RANBP17: variants seen among roughly 807,000 people sequenced by gnomAD.
The protein encoded by RANBP17 is ran-binding protein 17.
A neutral mutation model predicts 141.2 loss-of-function variants in RANBP17; 158 were observed. The ratio of observed to expected loss-of-function variants is 1.12; its 90% CI spans 0.98 to 1.28. The LOEUF (loss-of-function observed/expected upper bound fraction) is 1.28, where lower values mean the gene tolerates loss of function less well. Among genes scored for constraint, RANBP17 ranks in the 50% most tolerant of loss-of-function variants. The pLI is 0.00. For synonymous variants in RANBP17, 430 were observed against 450.0 expected, an observed-to-expected ratio of 0.96 and a Z score of 0.56; for missense variants, 1,438 against 1,290.7, an observed-to-expected ratio of 1.11 and a Z score of -1.75.
rs1013152336 is a variant in RANBP17 at position 171,089,253 on chromosome 5, C to G, written c.1711-80877C>G. Among the ~76,000 whole-genome samples, 134 of 102,478 alleles carry G rather than the reference C, an allele frequency of 1.3e-3. 6 individuals are homozygous for G. The highest frequency in any genetic ancestry group is 2.1e-3 in the Non-Finnish European group (91 of 42,914). The allele number at this position is 102,478 out of a possible 152,430, so 67.2% of individuals were successfully genotyped here. ...TCAGTGTGCCCCTGCTGGGGGGGGC[C>G]TCCCAGTTAGGCTGCTCGGGGGTCA... On this transcript the variant is annotated intron_variant, in intron 14 of 27. Transcript: ENST00000523189.
At chr5:171,102,778 T>C (rs1430713901) in intron 14 of RANBP17, among the ~76,000 whole-genome samples, 3 of 152,150 alleles carry the variant, frequency 2.0e-5, no homozygotes, top group Non-Finnish European at 4.4e-5. Context: ...GGATGGAGTT[T>C]TTGCTTCGTT....
intron 12 of RANBP17, among the ~76,000 whole-genome samples, chr5:170,933,985 C>A (rs920499475): frequency 6.6e-6 from 1 of 151,886 alleles, no homozygotes; most frequent in Non-Finnish European, 1.5e-5. Flanking sequence ...CTTTCTGTCT[C>A]GTTGATCTGT....
At chr5:171,184,138 T>G (rs2127922421) in intron 18 of RANBP17, among the ~76,000 whole-genome samples, 1 of 152,312 alleles carries the variant, frequency 6.6e-6, no homozygotes, top group South Asian at 2.1e-4. Context: ...TGTATAGGTA[T>G]CCAAAGGAAA....
intron 21 of RANBP17, among the ~76,000 whole-genome samples, chr5:171,217,381 T>G (rs1763282952): frequency 1.3e-5 from 2 of 152,170 alleles, no homozygotes; most frequent in Admixed American, 6.5e-5. Context: ...ATTTTTTTGT[T>G]GTGTCTCTGC....
intron 7 of RANBP17, 73 bp downstream of exon 7, chr5:170,911,207 A>G (rs1771501252): frequency 3.0e-6 from 4 of 1,351,440 alleles, no homozygotes; most frequent in African/African-American, 2.9e-5. Flanking sequence ...TTCTGTATGT[A>G]TAGTTATCTT....
At position 170,907,311 on chromosome 5, in the gene RANBP17, G is replaced by A. The variant is rs199858167; in HGVS notation, c.490-2350G>A. On this transcript the variant is annotated intron_variant, in intron 5 of 27. Transcript: ENST00000523189. ...ATAGAAAATGGATGTGCAATCCTTCGTCTCAAAATATTGGATATCTAAATG... is the reference window on the plus strand; with the variant it reads ...ATAGAAAATGGATGTGCAATCCTTCATCTCAAAATATTGGATATCTAAATG... 2.1e-4 allele frequency among the ~76,000 whole-genome samples: 19 copies of A among 91,844 alleles called. 1 individual carries two copies. The East Asian group carries it at 8.0e-3, about 39-fold the overall frequency. The allele number at this position is 91,844 out of a possible 152,430, so 60.3% of individuals were successfully genotyped here.
At chr5:171,211,762 T>A (rs1266209607) in intron 20 of RANBP17, among the ~76,000 whole-genome samples, 1 of 151,982 alleles carries the variant, frequency 6.6e-6, no homozygotes, top group Non-Finnish European at 1.5e-5. Context: ...ACATGGTATG[T>A]CTGTCTAATA....
intron 14 of RANBP17, among the ~76,000 whole-genome samples, chr5:170,970,180 AT>A (rs1217976935): frequency 6.6e-6 from 1 of 151,740 alleles, no homozygotes; most frequent in Admixed American, 6.6e-5. Context: ...TATATATACA[AT>A]TTTTTTAGCA....
At chr5:171,044,788 A>G (rs1293952237) in intron 14 of RANBP17, among the ~76,000 whole-genome samples, 3 of 152,098 alleles carry the variant, frequency 2.0e-5, no homozygotes, top group Non-Finnish European at 2.9e-5. Flanking sequence ...CTAATAAACA[A>G]TTTGCTCAGA....
intron 14 of RANBP17, among the ~76,000 whole-genome samples, chr5:171,017,102 T>G (rs1780490630): frequency 6.6e-6 from 1 of 152,222 alleles, no homozygotes; most frequent in South Asian, 2.1e-4. Context: ...TTATTATGTC[T>G]GCATAGTATT....
At chr5:170,906,723 A>G (rs1771103170) in intron 5 of RANBP17, among the ~76,000 whole-genome samples, 1 of 151,744 alleles carries the variant, frequency 6.6e-6, no homozygotes, top group Non-Finnish European at 1.5e-5. Flanking sequence ...TGCTAACATT[A>G]TTTGTTTTGT....
rs1008142003 is a variant in RANBP17, at chr5:171,287,888, T to A, written c.2944-5995T>A. Among the ~76,000 whole-genome samples the A allele has an allele frequency of 2.0e-5, 3 of 152,192 alleles. No individual in the cohort carries two copies. In the East Asian group the frequency reaches 5.8e-4, roughly 29 times the overall value. On this transcript the variant is annotated intron_variant, in intron 25 of 27. Transcript: ENST00000523189. ...TTCAGTTTTGTCTTTATGGTACCAATGGGGAGCAGGAGGGAATAGTCTGAA... is the reference window on the plus strand; with the variant it reads ...TTCAGTTTTGTCTTTATGGTACCAAAGGGGAGCAGGAGGGAATAGTCTGAA...
At chr5:171,176,470 C>G (rs923050714) in intron 16 of RANBP17, among the ~76,000 whole-genome samples, 3 of 152,102 alleles carry the variant, frequency 2.0e-5, no homozygotes, top group Non-Finnish European at 4.4e-5. Context: ...TAAGCATTTG[C>G]TAAGTACACG....
chr5:170,909,847 C>A, intron 6 of RANBP17, 82 bp downstream of exon 6: 1 of 786,054 alleles, frequency 1.3e-6, no homozygotes, highest in Non-Finnish European at 2.2e-6. Flanking sequence ...GTTGAATTTT[C>A]CCCCCAGTTT....
chr5:170,967,513 A>AT (rs34935680), intron 13 of RANBP17, among the ~76,000 whole-genome samples: 3 of 151,450 alleles, frequency 2.0e-5, no homozygotes, highest in East Asian at 1.9e-4. Flanking sequence ...ATATTGAAGG[A>AT]TTTTTTTTGA....
intron 14 of RANBP17, among the ~76,000 whole-genome samples, chr5:171,095,965 T>C (rs1380510822): frequency 6.6e-6 from 1 of 152,164 alleles, no homozygotes; most frequent in Non-Finnish European, 1.5e-5. Context: ...ATATATTTAC[T>C]ATTCATTTAG....
chr5:170,885,108 A>G (rs1769036457), intron 3 of RANBP17, among the ~76,000 whole-genome samples: 1 of 152,202 alleles, frequency 6.6e-6, no homozygotes, highest in Admixed American at 6.5e-5. Context: ...GCAGACTTCC[A>G]AAAGATTCAG....
intron 12 of RANBP17, among the ~76,000 whole-genome samples, chr5:170,936,635 A>G (rs975426827): frequency 2.0e-5 from 3 of 152,204 alleles, no homozygotes; most frequent in African/African-American, 7.2e-5. Context: ...GACTTGTCAT[A>G]TGACCCAGAA....
chr5:170,881,468 G>A (rs1284221473), intron 2 of RANBP17, among the ~76,000 whole-genome samples: 1 of 152,184 alleles, frequency 6.6e-6, no homozygotes, highest in Non-Finnish European at 1.5e-5. Flanking sequence ...AGATGAATTT[G>A]AAGAGATAAT....
Sources: gnomAD v4.1 joint callset for allele counts (sites outside exome capture counted in the v4.1 genomes callset) on GRCh38, gnomAD v4.1.1 for gene constraint, MANE v1.5 for transcripts, NCBI Gene and HGNC (gene_info 2026-07-23, HGNC 2026-07-21) for gene names.